Variants in DTX2 observed in about 807,000 individuals in gnomAD.
DTX2 encodes probable E3 ubiquitin-protein ligase DTX2.
Under a neutral mutation model 55.3 loss-of-function variants are expected in DTX2, and 29 were observed. The observed-to-expected ratio is 0.52, with a 90% CI of 0.39 to 0.71. The LOEUF is 0.71. Among genes scored for constraint, DTX2 ranks in the 30% least tolerant of loss-of-function variants. The pLI is 0.00. For missense variants in DTX2, 537 were observed against 822.5 expected, an observed-to-expected ratio of 0.65 and a Z score of 4.25; for synonymous variants, 276 against 340.4, an observed-to-expected ratio of 0.81 and a Z score of 2.08.
chr7:76,474,031 C>T (rs1808247320), intron 2 of DTX2, among the ~76,000 whole-genome samples: 1 of 145,862 alleles, frequency 6.9e-6, no homozygotes, highest in African/African-American at 2.5e-5. Flanking sequence ...AAGCGATTCT[C>T]CTGCCTCAGC....
Position 76,505,703 on chromosome 7 carries a change from G to T in DTX2, c.*102G>T. 2 of 1,285,148 alleles carry T rather than the reference G, an allele frequency of 1.6e-6. No individual in the cohort carries two copies. Among genetic ancestry groups the T allele is most frequent in the Admixed American group, 2.2e-5 (1 of 46,098 alleles). The allele number at this position is 1,285,148 out of a possible 1,614,324, so 79.6% of individuals were successfully genotyped here. A position where few individuals can be genotyped will look rare whatever the true frequency, so the allele number is the denominator to read the frequency against. Reference sequence around the variant, plus strand: ...CCCAGCCCGAGAGGCTGGGAGGTTTGTTGAGGGTGTGGGGTGTGCCCCACC... The same window carrying T: ...CCCAGCCCGAGAGGCTGGGAGGTTTTTTGAGGGTGTGGGGTGTGCCCCACC... On this transcript the variant is annotated 3_prime_UTR_variant, in exon 11 of 11. Transcript: ENST00000430490. The surrounding 1 kb of genome is among the most constrained non-coding windows in gnomAD (Gnocchi z 4.4).
Position 76,505,552 on chromosome 7 carries a change from C to G in DTX2, c.1820C>G (p.Ala607Gly). 3 of 1,604,622 alleles carry G rather than the reference C, an allele frequency of 1.9e-6. No homozygotes were observed. The highest frequency in any genetic ancestry group is 2.5e-6 in the Non-Finnish European group (3 of 1,176,664). The part of the protein sequence containing the change: ...PDPNYLQNVL[A>G]ELAAQGVTED... ...CCCAACTACCTGCAGAACGTGCTGG[C>G]TGAGCTGGCTGCCCAGGGGGTGACC... The change falls in exon 11 of 11, where the codon GCT becomes GGT. Residue 607 changes from alanine to glycine, a missense_variant. Coordinates refer to ENST00000430490, the MANE Select transcript of DTX2 (RefSeq NM_001102594.3). This position sits in a 1 kb window ranked among gnomAD's most constrained non-coding sequence, Gnocchi z 4.4.
chr7:76,464,264 G>A (rs534254041), intron 2 of DTX2, among the ~76,000 whole-genome samples: 2,734 of 144,474 alleles, frequency 0.019, 3 homozygotes, highest in African/African-American at 0.07. Context: ...AGGAGTCAGC[G>A]TTTGCAAAGT....
At chr7:76,471,798 G>A (rs529258221) in intron 2 of DTX2, among the ~76,000 whole-genome samples, 11 of 151,572 alleles carry the variant, frequency 7.3e-5, no homozygotes, top group African/African-American at 2.4e-4. Context: ...CTGACTGGCT[G>A]CAGGTGGTCA....
chr7:76,484,680 G>T (rs1236719923), intron 4 of DTX2, among the ~76,000 whole-genome samples: 1 of 152,150 alleles, frequency 6.6e-6, no homozygotes, highest in Non-Finnish European at 1.5e-5. Context: ...GCCCACCGCA[G>T]CCACGTCAAG....
In DTX2 at chr7:76,502,406, C is replaced by T; in HGVS notation, c.1339C>T (p.His447Tyr). Residue 447 changes from histidine to tyrosine, a missense_variant, in exon 8 of 11, where the codon CAT becomes TAT. His to Tyr is a moderately conservative substitution (Grantham distance 83). This residue lies in a region of DTX2 where 121 missense variants were observed against 136.8 expected (regional missense o/e 0.88). Transcript: ENST00000430490. The part of the protein sequence containing the change: ...LAVGHLTKCS[H>Y]AFHLLCLLAM... ...TGTGGGCCACCTCACCAAGTGCAGCCATGCCTTCCACCTGCTGTGCCTCCT... is the reference window on the plus strand; with the variant it reads ...TGTGGGCCACCTCACCAAGTGCAGCTATGCCTTCCACCTGCTGTGCCTCCT... The T allele has an allele frequency of 6.2e-7, 1 of 1,612,766 alleles. No individual in the cohort carries two copies. The highest frequency in any genetic ancestry group is 8.5e-7 in the Non-Finnish European group (1 of 1,179,978).
At chr7:76,469,044 C>T (rs1452428265) in intron 2 of DTX2, among the ~76,000 whole-genome samples, 6 of 123,572 alleles carry the variant, frequency 4.9e-5, no homozygotes, top group African/African-American at 1.5e-4. Flanking sequence ...GGATTACAGG[C>T]GTGAGCTACC....
At chr7:76,503,623 C>T (rs191150389) in intron 9 of DTX2, 36 bp downstream of exon 9, 272 of 1,577,682 alleles carry the variant, frequency 1.7e-4, no homozygotes, top group Middle Eastern at 9.0e-4. Context: ...CTCCTGGCCA[C>T]TCCTCTTCCC....
chr7:76,495,779 G>C (rs1306954460), intron 5 of DTX2, among the ~76,000 whole-genome samples: 1 of 152,044 alleles, frequency 6.6e-6, no homozygotes, highest in African/African-American at 2.4e-5. Flanking sequence ...AGTCCAGCAG[G>C]GTGGGGCGGG....
intron 2 of DTX2, chr7:76,477,011 T>TGCCGATGATGGAGGCG (rs1377513133): frequency 2.0e-5 from 3 of 152,004 alleles, no homozygotes; most frequent in African/African-American, 7.3e-5. Flanking sequence ...ATACCCCGTG[T>TGCCGATGATGGAGGCG]GCCGATGATG....
At chr7:76,493,827 G>A (rs1176225837) in intron 5 of DTX2, among the ~76,000 whole-genome samples, 1 of 128,102 alleles carries the variant, frequency 7.8e-6, no homozygotes, top group Non-Finnish European at 1.8e-5. Flanking sequence ...GGGGGATTGG[G>A]GGTAGACTGA....
At chr7:76,479,821 C>T (rs1808965217) in intron 2 of DTX2, among the ~76,000 whole-genome samples, 1 of 149,938 alleles carries the variant, frequency 6.7e-6, no homozygotes, top group African/African-American at 2.5e-5. Flanking sequence ...GCAGTTGGGT[C>T]AGAGGGGAAT....
In DTX2 at chr7:76,499,539, A is replaced by T. The variant is rs1811400584; in HGVS notation, c.1151-902A>T. Among the ~76,000 whole-genome samples, 4 of 151,302 alleles carry T rather than the reference A, an allele frequency of 2.6e-5. No homozygotes were observed. The South Asian group carries it at 8.4e-4, about 32-fold the overall frequency. On this transcript the variant is annotated intron_variant, in intron 6 of 10. Coordinates refer to ENST00000430490, the MANE Select transcript of DTX2 (RefSeq NM_001102594.3). ...CCTTCTGGTCCTGGAGTCTGGGACG[A>T]CCGCAGCCCCACCATGACCTTGGGG...
At chr7:76,484,621 C>G (rs1329037306) in intron 4 of DTX2, among the ~76,000 whole-genome samples, 28 of 151,060 alleles carry the variant, frequency 1.9e-4, no homozygotes, top group Non-Finnish European at 3.2e-4. Context: ...TTTCTCCGCA[C>G]TGGCCCTGGT....
rs770997221 is a variant in DTX2 at position 76,505,874 on chromosome 7, C to T, written c.*273C>T. The T allele has an allele frequency of 6.8e-5, 39 of 572,938 alleles. No individual in the cohort carries two copies. The highest frequency in any genetic ancestry group is 5.1e-4 in the African/African-American group (27 of 53,400). The allele number at this position is 572,938 out of a possible 1,614,324, so 35.5% of individuals were successfully genotyped here. On this transcript the variant is annotated 3_prime_UTR_variant, in exon 11 of 11. Coordinates refer to ENST00000430490, the MANE Select transcript of DTX2 (RefSeq NM_001102594.3). The surrounding 1 kb of genome is among the most constrained non-coding windows in gnomAD (Gnocchi z 4.4). ...TGTCCTCTGGGGGCTGCTTCGGGCCCGCGGTGCTCGGGGCCTGGTGTGGGG... is the reference window on the plus strand; with the variant it reads ...TGTCCTCTGGGGGCTGCTTCGGGCCTGCGGTGCTCGGGGCCTGGTGTGGGG...
At chr7:76,498,788 C>G (rs1373889399) in intron 6 of DTX2, among the ~76,000 whole-genome samples, 1 of 64,650 alleles carries the variant, frequency 1.5e-5, no homozygotes, top group Non-Finnish European at 2.6e-5. Flanking sequence ...TTCGGGCAGT[C>G]TGTATGGGTG....
At chr7:76,495,496 A>G (rs1316778795) in intron 5 of DTX2, among the ~76,000 whole-genome samples, 1 of 152,062 alleles carries the variant, frequency 6.6e-6, no homozygotes, top group Non-Finnish European at 1.5e-5. Context: ...CCTCCTCTCC[A>G]GGCTTCTGGG....
At position 76,480,680 on chromosome 7, in the gene DTX2, G is replaced by A. The variant is rs760370340; in HGVS notation, c.171G>A (p.Gly57=). ...VQQKGQRFGL[G]SLAHSIPLGQ... ...AGAAGGGCCAACGTTTTGGGCTTGG[G>A]AGCCTGGCCCACAGCATCCCCTTGG... Residue 57 remains glycine, a synonymous_variant, in exon 3 of 11, where the codon GGG becomes GGA. Transcript: ENST00000430490. 1 of 1,613,670 alleles carries A rather than the reference G, an allele frequency of 6.2e-7. No homozygotes were observed. The highest frequency in any genetic ancestry group is 1.1e-5 in the South Asian group (1 of 91,066).
At chr7:76,464,687 G>A (rs1203802927) in intron 2 of DTX2, among the ~76,000 whole-genome samples, 5 of 151,934 alleles carry the variant, frequency 3.3e-5, no homozygotes, top group Admixed American at 6.5e-5. Context: ...CTGAGCCACC[G>A]TGCCTGGCCT....
Sources: allele counts gnomAD v4.1 joint callset (sites outside exome capture counted in the v4.1 genomes callset), GRCh38; gene constraint gnomAD v4.1.1; regional missense constraint gnomAD v4.1.1; non-coding constraint Gnocchi (gnomAD v3.1); transcripts MANE v1.5; gene names NCBI Gene and HGNC (gene_info 2026-07-23, HGNC 2026-07-21).